The following NCOR2 variants were observed in gnomAD, a reference collection of about 807,000 sequenced individuals.
NCOR2 encodes the protein CTG repeat protein 26.
In NCOR2, 81 loss-of-function variants were observed where a neutral mutation model predicts 262.9. The ratio of observed to expected loss-of-function variants is 0.31; its 90% CI spans 0.26 to 0.37. The LOEUF is 0.37. NCOR2 is among the 10% of genes least tolerant of loss of function. The pLI is 1.00. For synonymous variants in NCOR2, 1,659 were observed against 1,559.3 expected (o/e 1.06, Z -1.51); for missense variants, 3,385 against 3,621.4 (o/e 0.93, Z 1.68).
Position 124,483,183 on chromosome 12 carries a change from G to C in NCOR2, c.411+413C>G, listed in dbSNP as rs2047590661. Among the ~76,000 whole-genome samples the C allele has an allele frequency of 6.6e-6, 1 of 152,062 alleles. No individual in the cohort carries two copies. The highest frequency in any genetic ancestry group is 1.5e-5 in the Non-Finnish European group (1 of 68,006). ...ATGGAACCAAACAACCCACCCTCGA[G>C]GAAGCTCTCAGAATGTGCTGAAAGC... On this transcript the variant is annotated intron_variant, in intron 3 of 46. Coordinates refer to ENST00000405201, the Ensembl canonical transcript of NCOR2. The surrounding 1 kb of genome is among the most constrained non-coding windows in gnomAD (Gnocchi z 6.3).
At position 124,378,367 on chromosome 12, in the gene NCOR2, C is replaced by T. The variant is rs770264732; in HGVS notation, c.2037G>A (p.Ala679=). The T allele has an allele frequency of 5.1e-5, 82 of 1,612,908 alleles. No individual in the cohort carries two copies. The highest frequency in any genetic ancestry group is 5.8e-5 in the Non-Finnish European group (69 of 1,179,730). Residue 679 remains alanine, a synonymous_variant, in exon 18 of 47, where the codon GCG becomes GCA. Transcript: ENST00000405201. This position sits in a 1 kb window ranked among gnomAD's most constrained non-coding sequence, Gnocchi z 4.2. ...CCGGCGCTTTCTTCTTCTTCCTCCGCGCGTTCCTCTCCTTCTCCTGGGGCA... is the reference window on the plus strand; with the variant it reads ...CCGGCGCTTTCTTCTTCTTCCTCCGTGCGTTCCTCTCCTTCTCCTGGGGCA...
exon 22 of NCOR2, chr12:124,362,231 G>T: frequency 7.6e-7 from 1 of 1,311,894 alleles, no homozygotes; most frequent in Non-Finnish European, 9.7e-7. Flanking sequence ...GGTGGCGGTG[G>T]GGCTGGGGGA....
At chr12:124,406,526 A>G (rs1270710184) in intron 13 of NCOR2, among the ~76,000 whole-genome samples, 1 of 152,158 alleles carries the variant, frequency 6.6e-6, no homozygotes, top group Non-Finnish European at 1.5e-5. Context: ...CCATTCCCTC[A>G]ACGTGAGGGG....
At chr12:124,354,451 G>T in intron 26 of NCOR2, 27 bp downstream of exon 28, 1 of 1,473,850 alleles carries the variant, frequency 6.8e-7, no homozygotes, top group African/African-American at 1.4e-5. Context: ...GGCAGATGCT[G>T]GGGGCCCAGG....
chr12:124,334,557 CG>C lies in NCOR2; in HGVS notation c.6471del (p.Ala2158ProfsTer71). On this transcript the variant is annotated frameshift_variant, in exon 41 of 47. Coordinates refer to ENST00000405201, the Ensembl canonical transcript of NCOR2. LOFTEE classifies it high-confidence loss of function. ...GCCCCAGGGAAGGAGTAGAGGGGGG[CG>C]GGCAGGGGTGCGCTGAGCTGCTGTG... is the stretch of plus-strand genomic sequence containing the variant. The C allele has an allele frequency of 7.1e-7, 1 of 1,405,870 alleles. No individual in the cohort carries two copies. The highest frequency in any genetic ancestry group is 9.2e-7 in the Non-Finnish European group (1 of 1,084,540). The allele number at this position is 1,405,870 out of a possible 1,614,324, so 87.1% of individuals were successfully genotyped here. A position where few individuals can be genotyped will look rare whatever the true frequency, so the allele number is the denominator to read the frequency against.
exon 22 of NCOR2, chr12:124,362,225 G>A (rs777531858): frequency 7.6e-7 from 1 of 1,311,730 alleles, no homozygotes; most frequent in East Asian, 2.8e-5. Flanking sequence ...TTTTGCGGTG[G>A]CGGTGGGGCT....
chr12:124,490,639 C>T (rs2048036005), intron 1 of NCOR2, among the ~76,000 whole-genome samples: 1 of 152,152 alleles, frequency 6.6e-6, no homozygotes, highest in African/African-American at 2.4e-5. Flanking sequence ...CCCCCCAGGG[C>T]ACTCAGGACA....
chr12:124,341,628 C>T (rs772763906), intron 34 of NCOR2, among the ~76,000 whole-genome samples, 195 bp downstream of exon 36: 2 of 152,192 alleles, frequency 1.3e-5, no homozygotes, highest in Non-Finnish European at 2.9e-5. Context: ...AGGAGCCACA[C>T]GCTGTGCACT....
chr12:124,517,132 G>A lies in NCOR2; in HGVS notation c.-118+18433C>T, dbSNP rs2049852536. Among the ~76,000 whole-genome samples the A allele has an allele frequency of 6.6e-6, 1 of 151,820 alleles. No individual in the cohort carries two copies. Among genetic ancestry groups the A allele is most frequent in the African/African-American group, 2.4e-5 (1 of 41,304 alleles). On this transcript the variant is annotated intron_variant, in intron 1 of 46. Transcript: ENST00000404621. The surrounding 1 kb of genome is among the most constrained non-coding windows in gnomAD (Gnocchi z 7.6). ...CCCCACTGTGCCCCATTTTACAGAC[G>A]AGGAAACTGAGGTCTGCAAAGGGGA... is the stretch of plus-strand genomic sequence containing the variant.
At chr12:124,332,048 G>A in intron 43 of NCOR2, 1 of 448,488 alleles carries the variant, frequency 2.2e-6, no homozygotes, top group Non-Finnish European at 4.1e-6. Flanking sequence ...CCTGGTCCCA[G>A]TATTCATGCA....
intron 5 of NCOR2, among the ~76,000 whole-genome samples, chr12:124,463,724 C>T (rs1250810845): frequency 9.9e-5 from 15 of 152,220 alleles, no homozygotes; most frequent in Admixed American, 8.5e-4. Flanking sequence ...CCCCAAGGGG[C>T]GGTAAGTCCT....
intron 10 of NCOR2, among the ~76,000 whole-genome samples, chr12:124,427,780 G>T (rs1264712064): frequency 6.6e-6 from 1 of 152,166 alleles, no homozygotes; most frequent in Non-Finnish European, 1.5e-5. Context: ...ACGGCCACAG[G>T]CAGGACCTCT....
chr12:124,376,898 C>T (rs898311097), intron 18 of NCOR2, among the ~76,000 whole-genome samples: 1 of 152,204 alleles, frequency 6.6e-6, no homozygotes, highest in Admixed American at 6.5e-5. Flanking sequence ...CTGCTTGTTT[C>T]TCCTTCAGAG....
intron 1 of NCOR2, among the ~76,000 whole-genome samples, chr12:124,526,367 C>G (rs2050469269): frequency 6.6e-6 from 1 of 152,206 alleles, no homozygotes; most frequent in South Asian, 2.1e-4. Context: ...TCCGGCTGCA[C>G]AAGTACACCC....
intron 3 of NCOR2, among the ~76,000 whole-genome samples, chr12:124,478,074 G>A (rs1037974243): frequency 2.6e-5 from 4 of 152,196 alleles, no homozygotes; most frequent in African/African-American, 9.7e-5. Context: ...AGCAGTTTGG[G>A]GCTAGAAATG....
intron 27 of NCOR2, among the ~76,000 whole-genome samples, chr12:124,351,092 G>A (rs542976447): frequency 6.6e-6 from 1 of 152,290 alleles, no homozygotes; most frequent in Non-Finnish European, 1.5e-5. Context: ...GGGTCACCTG[G>A]CTAATAAGGG....
intron 37 of NCOR2, 98 bp downstream of exon 39, chr12:124,339,908 T>G: frequency 6.4e-6 from 1 of 156,242 alleles, no homozygotes. Flanking sequence ...CCCACCCACC[T>G]CCCATATACC....
chr12:124,336,561 G>A (rs987824311), intron 38 of NCOR2, 192 bp downstream of exon 40: 10 of 967,598 alleles, frequency 1.0e-5, no homozygotes, highest in Non-Finnish European at 1.2e-5. Context: ...CAAAAAAAAC[G>A]GGGGCCAAAG....
Position 124,457,795 on chromosome 12 carries a change from C to T in NCOR2, c.706-633G>A, listed in dbSNP as rs1028960074. On this transcript the variant is annotated intron_variant, in intron 5 of 46. Coordinates refer to ENST00000405201, the Ensembl canonical transcript of NCOR2. This position sits in a 1 kb window ranked among gnomAD's most constrained non-coding sequence, Gnocchi z 4.0. ...CCGCTCCATCAATAGGCTGGACCTC[C>T]GGGCCCCCACCCCGGCCCTCGGTGT... Among the ~76,000 whole-genome samples the T allele has an allele frequency of 6.6e-6, 1 of 152,154 alleles. No individual in the cohort carries two copies. The highest frequency in any genetic ancestry group is 2.4e-5 in the African/African-American group (1 of 41,440).
Sources: gnomAD v4.1 joint callset for allele counts (sites outside exome capture counted in the v4.1 genomes callset) on GRCh38, gnomAD v4.1.1 for gene constraint, Gnocchi (gnomAD v3.1) non-coding constraint, MANE v1.5 for transcripts, NCBI Gene and HGNC (gene_info 2026-07-23, HGNC 2026-07-21) for gene names.